The following ZNF277 variants were observed in gnomAD, a reference collection of about 807,000 sequenced individuals.
ZNF277 encodes the protein zinc finger protein 277.
A neutral mutation model predicts 60.7 loss-of-function variants in ZNF277; 55 were observed. The observed-to-expected ratio is 0.91, with a 90% CI of 0.73 to 1.13. The LOEUF (loss-of-function observed/expected upper bound fraction) is 1.13. Ranked by LOEUF, ZNF277 falls within the 50% of genes most tolerant of loss-of-function variation. The pLI is 0.00. For missense variants in ZNF277, 510 were observed against 523.0 expected (o/e 0.98, Z 0.24); for synonymous variants, 178 against 179.3 (o/e 0.99, Z 0.06).
chr7:112,242,359 C>T (rs1790977758), intron 1 of ZNF277, among the ~76,000 whole-genome samples: 1 of 152,000 alleles, frequency 6.6e-6, no homozygotes, highest in South Asian at 2.1e-4. Flanking sequence ...AGTATCCCCA[C>T]TTTCACCATT....
chr7:112,304,050 A>G (rs1413809883), intron 4 of ZNF277, among the ~76,000 whole-genome samples: 1 of 151,968 alleles, frequency 6.6e-6, no homozygotes, highest in Non-Finnish European at 1.5e-5. Context: ...TCTGTTTTTT[A>G]TGTTTCACTA....
At chr7:112,248,769 T>C (rs1791138620) in intron 1 of ZNF277, among the ~76,000 whole-genome samples, 1 of 152,182 alleles carries the variant, frequency 6.6e-6, no homozygotes. Flanking sequence ...TATATCTTCG[T>C]ACATTTAACT....
intron 2 of ZNF277, among the ~76,000 whole-genome samples, chr7:112,291,315 G>A (rs1563217719): frequency 2.0e-5 from 3 of 152,104 alleles, no homozygotes; most frequent in Non-Finnish European, 2.9e-5. Flanking sequence ...CAATTACAGT[G>A]AGGGTGGGCA....
intron 4 of ZNF277, among the ~76,000 whole-genome samples, chr7:112,317,860 C>T (rs1450466008): frequency 6.6e-6 from 1 of 152,004 alleles, no homozygotes; most frequent in Non-Finnish European, 1.5e-5. Flanking sequence ...GGGAAAAGAG[C>T]AAGTCAAAGA....
chr7:112,246,834 G>T (rs1342074638), intron 1 of ZNF277, among the ~76,000 whole-genome samples: 1 of 152,136 alleles, frequency 6.6e-6, no homozygotes, highest in Non-Finnish European at 1.5e-5. Flanking sequence ...TATTAGAAAG[G>T]CAGAGCAAAC....
intron 1 of ZNF277, among the ~76,000 whole-genome samples, chr7:112,231,819 G>C (rs1822339391): frequency 1.3e-5 from 2 of 151,756 alleles, no homozygotes; most frequent in Admixed American, 1.3e-4. Flanking sequence ...TATTTCCACT[G>C]ATCAGTTTAC....
chr7:112,276,805 A>G (rs927030396), intron 1 of ZNF277, among the ~76,000 whole-genome samples: 35 of 152,150 alleles, frequency 2.3e-4, no homozygotes, highest in African/African-American at 8.0e-4. Context: ...TACATTTACC[A>G]AGGGTATTTA....
chr7:112,286,725 C>T (rs573430212), intron 1 of ZNF277, 148 bp from the exon 2 acceptor site: 1 of 665,596 alleles, frequency 1.5e-6, no homozygotes, highest in African/African-American at 1.8e-5. Flanking sequence ...AAGTATCCTA[C>T]TCTCCAGCAC....
At chr7:112,239,465 C>T (rs923302455) in intron 1 of ZNF277, among the ~76,000 whole-genome samples, 1 of 152,164 alleles carries the variant, frequency 6.6e-6, no homozygotes, top group East Asian at 1.9e-4. Context: ...TCAGCACAGT[C>T]CCAGTGGTGG....
intron 5 of ZNF277, 35 bp downstream of exon 5, chr7:112,318,308 T>TCAGATTAAAAACAG: frequency 6.3e-7 from 1 of 1,575,026 alleles, no homozygotes; most frequent in Non-Finnish European, 8.7e-7. Flanking sequence ...GTTACTGTTT[T>TCAGATTAAAAACAG]TAATCTGAAA....
At chr7:112,320,239 C>G (rs918384060) in intron 5 of ZNF277, among the ~76,000 whole-genome samples, 4 of 152,080 alleles carry the variant, frequency 2.6e-5, no homozygotes, top group African/African-American at 9.7e-5. Flanking sequence ...TATCTGCATT[C>G]TGTATTGAGT....
intron 4 of ZNF277, among the ~76,000 whole-genome samples, chr7:112,311,181 G>A (rs1792723161): frequency 6.6e-6 from 1 of 152,122 alleles, no homozygotes; most frequent in East Asian, 1.9e-4. Context: ...ACTATGTTGA[G>A]TGCCATCTGC....
At position 112,327,779 on chromosome 7, in the gene ZNF277, TTG is replaced by T; in HGVS notation, c.622_623del (p.Val208LysfsTer4). The T allele has an allele frequency of 6.2e-7, 1 of 1,612,316 alleles. No homozygotes were observed. Among genetic ancestry groups the T allele is most frequent in the Non-Finnish European group, 8.5e-7 (1 of 1,179,442 alleles). ...TTCAACATTGGATTGCCAGACAACATTGTAAACTGCAATGAATTTTTGTGTAC... is the reference window on the plus strand; with the variant it reads ...TTCAACATTGGATTGCCAGACAACATTAAACTGCAATGAATTTTTGTGTAC... On this transcript the variant is annotated frameshift_variant, in exon 6 of 12. Transcript: ENST00000361822. LOFTEE classifies it high-confidence loss of function.
At chr7:112,267,305 A>G (rs10229822) in intron 1 of ZNF277, among the ~76,000 whole-genome samples, 8,762 of 152,238 alleles carry the variant, frequency 0.058, 674 homozygotes, top group African/African-American at 0.18. Context: ...TTTAGTGGCT[A>G]TCATATATGA....
chr7:112,254,127 CT>C (rs1791254024), intron 1 of ZNF277, among the ~76,000 whole-genome samples: 1 of 152,218 alleles, frequency 6.6e-6, no homozygotes, highest in Non-Finnish European at 1.5e-5. Context: ...ACTTTCTAAA[CT>C]GTCTAACTAG....
intron 1 of ZNF277, among the ~76,000 whole-genome samples, chr7:112,211,332 G>GCCTGC (rs1563192011): frequency 6.6e-6 from 1 of 152,090 alleles, no homozygotes; most frequent in East Asian, 1.9e-4. Context: ...ATTTTTCTGC[G>GCCTGC]CCTGTAGTAT....
chr7:112,279,560 T>G (rs1389836238), intron 1 of ZNF277, among the ~76,000 whole-genome samples: 6 of 152,144 alleles, frequency 3.9e-5, no homozygotes, highest in Admixed American at 1.3e-4. Flanking sequence ...TTTATGCTAC[T>G]GAGTTGTATG....
chr7:112,292,559 A>G (rs1792233533), intron 2 of ZNF277, among the ~76,000 whole-genome samples: 2 of 152,094 alleles, frequency 1.3e-5, no homozygotes, highest in Non-Finnish European at 2.9e-5. Context: ...TACAACTTTA[A>G]TTATAGGGGC....
At chr7:112,295,707 T>C (rs1486974147) in intron 2 of ZNF277, among the ~76,000 whole-genome samples, 162 bp from the exon 3 acceptor site, 1 of 152,182 alleles carries the variant, frequency 6.6e-6, no homozygotes, top group African/African-American at 2.4e-5. Flanking sequence ...TCTATAATGC[T>C]CCACTGCCTT....
Sources: gnomAD v4.1 joint callset for allele counts (sites outside exome capture counted in the v4.1 genomes callset) on GRCh38, gnomAD v4.1.1 for gene constraint, MANE v1.5 for transcripts, NCBI Gene and HGNC (gene_info 2026-07-23, HGNC 2026-07-21) for gene names.